Variants in SMAD5 observed in about 807,000 individuals in gnomAD.
The protein encoded by SMAD5 is SMAD family member 5, also known as MAD, mothers against decapentaplegic homolog 5.
SMAD5 carries 9 observed loss-of-function variants against 43.1 expected under a neutral mutation model. The ratio of observed to expected loss-of-function variants is 0.21; its 90% CI spans 0.13 to 0.36. The LOEUF (loss-of-function observed/expected upper bound fraction) is 0.36. Among genes scored for constraint, SMAD5 ranks in the 10% least tolerant of loss-of-function variants. The probability of loss-of-function intolerance (pLI) is 1.00; values close to 1 mark genes in which losing one functional copy is unlikely to be tolerated. For missense variants in SMAD5, 348 were observed against 574.0 expected, an observed-to-expected ratio of 0.61 and a Z score of 4.02; for synonymous variants, 190 against 192.4, an observed-to-expected ratio of 0.99 and a Z score of 0.10.
chr5:136,159,599 A>G (rs1464822485), intron 3 of SMAD5, among the ~76,000 whole-genome samples: 1 of 152,016 alleles, frequency 6.6e-6, no homozygotes, highest in East Asian at 1.9e-4. Context: ...TTATTTCACT[A>G]AGTCTCTCAG....
At chr5:136,140,505 C>T (rs978695804) in intron 1 of SMAD5, among the ~76,000 whole-genome samples, 1 of 152,080 alleles carries the variant, frequency 6.6e-6, no homozygotes, top group Non-Finnish European at 1.5e-5. Flanking sequence ...CTCTTCATGC[C>T]AGAAGCATGC....
chr5:136,164,181 G>A (rs1187382780), intron 5 of SMAD5, among the ~76,000 whole-genome samples: 3 of 152,186 alleles, frequency 2.0e-5, no homozygotes, highest in Non-Finnish European at 2.9e-5. Flanking sequence ...GAGCAACAGA[G>A]CGAGGCTCCA....
At chr5:136,169,127 A>G (rs1404503596) in intron 5 of SMAD5, among the ~76,000 whole-genome samples, 2 of 152,172 alleles carry the variant, frequency 1.3e-5, no homozygotes, top group African/African-American at 2.4e-5. Context: ...TCTGTGGCCA[A>G]AGGCTCAAGA....
At chr5:136,167,355 TCTTC>T (rs1393682923) in intron 5 of SMAD5, among the ~76,000 whole-genome samples, 1 of 152,196 alleles carries the variant, frequency 6.6e-6, no homozygotes, top group East Asian at 1.9e-4. Context: ...TATTTTCCTC[TCTTC>T]CTTCTCATCT....
At chr5:136,162,612 G>A (rs748675456) in intron 4 of SMAD5, among the ~76,000 whole-genome samples, 21 of 152,274 alleles carry the variant, frequency 1.4e-4, no homozygotes, top group Non-Finnish European at 2.5e-4. Context: ...AGACAAATTC[G>A]GTTCTTATTT....
At chr5:136,163,652 T>A (rs1301918347) in intron 5 of SMAD5, among the ~76,000 whole-genome samples, 1 of 152,188 alleles carries the variant, frequency 6.6e-6, no homozygotes, top group Non-Finnish European at 1.5e-5. Context: ...CCACATACCC[T>A]CTAATCTGTT....
intron 2 of SMAD5, among the ~76,000 whole-genome samples, chr5:136,152,290 C>CT (rs1318622191): frequency 6.6e-6 from 1 of 152,066 alleles, no homozygotes; most frequent in African/African-American, 2.4e-5. Context: ...CTTGGCATAA[C>CT]TTTTTTTAAA....
At chr5:136,152,492 GCTAGAAT>G (rs540084063) in intron 2 of SMAD5, among the ~76,000 whole-genome samples, 130 of 152,234 alleles carry the variant, frequency 8.5e-4, no homozygotes, top group Non-Finnish European at 1.6e-3. Flanking sequence ...TAATATTGAT[GCTAGAAT>G]TTTTCAAAGA....
intron 1 of SMAD5, among the ~76,000 whole-genome samples, chr5:136,145,755 G>A (rs1753238090): frequency 6.6e-6 from 1 of 151,860 alleles, no homozygotes; most frequent in South Asian, 2.1e-4. Context: ...TAGGGCCATA[G>A]TATTCACGAT....
In SMAD5 at chr5:136,177,317, A is replaced by G. The variant is rs768536390; in HGVS notation, c.1255-20A>G. 5 of 1,612,342 alleles carry G rather than the reference A, an allele frequency of 3.1e-6. No homozygotes were observed. The highest frequency in any genetic ancestry group is 2.7e-5 in the African/African-American group (2 of 75,014). On this transcript the variant is annotated intron_variant, in intron 7 of 7. Transcript: ENST00000545279. ...ACAGTTTAAAGAGGGATTTGTGATG[A>G]TATCTGTTCATTTTCATAGGGTTGG...
At chr5:136,163,433 G>T (rs767289744) in intron 5 of SMAD5, 42 bp downstream of exon 5, 7 of 1,482,326 alleles carry the variant, frequency 4.7e-6, no homozygotes, top group Non-Finnish European at 4.5e-6. Context: ...AGTAGTAGTT[G>T]TTTTTAACTT....
At chr5:136,158,003 G>A (rs1753698669) in intron 3 of SMAD5, among the ~76,000 whole-genome samples, 2 of 152,174 alleles carry the variant, frequency 1.3e-5, no homozygotes, top group Non-Finnish European at 2.9e-5. Flanking sequence ...CTAATAGGTT[G>A]TTATGAGCAT....
At chr5:136,169,535 A>G (rs1207084326) in intron 5 of SMAD5, among the ~76,000 whole-genome samples, 4 of 152,190 alleles carry the variant, frequency 2.6e-5, no homozygotes, top group Non-Finnish European at 5.9e-5. Context: ...CTGCTGAAGA[A>G]CCTTTTGGTT....
rs1195880870 is a variant in SMAD5 at position 136,179,598 on chromosome 5, C to T, written c.*2118C>T. 6.6e-6 allele frequency: 1 copy of T among 152,196 alleles called. No homozygotes were observed. The highest frequency in any genetic ancestry group is 1.5e-5 in the Non-Finnish European group (1 of 68,030). 9.4% of individuals were successfully genotyped at this position (152,196 alleles called of 1,614,324 possible). On this transcript the variant is annotated 3_prime_UTR_variant, in exon 8 of 8. Coordinates refer to ENST00000545279, the MANE Select transcript of SMAD5 (RefSeq NM_005903.7). ...TTCAGATGAACTGCCATTTGTGTTT[C>T]AGCTCACAGTTCTTTGCTGGGTAAA...
chr5:136,174,045 G>T (rs989879549), intron 6 of SMAD5, among the ~76,000 whole-genome samples: 12 of 150,892 alleles, frequency 8.0e-5, no homozygotes, highest in African/African-American at 2.9e-4. Context: ...TTATTTGAAA[G>T]GACTCATCAA....
intron 2 of SMAD5, 45 bp from the exon 3 acceptor site, chr5:136,153,547 A>G (rs933052916): frequency 1.3e-5 from 6 of 456,706 alleles, no homozygotes; most frequent in Admixed American, 3.8e-5. Context: ...ATTTGTATAT[A>G]TTGAATTGAT....
rs1473134345 is a variant in SMAD5 at position 136,178,211 on chromosome 5, CATAAGCATTACTTTATAGCT to C, written c.*733_*752del. Reference sequence around the variant, plus strand: ...TATATGTCATTTACTCAAAATCTGTCATAAGCATTACTTTATAGCTAGTGACAGTGCATGCACAGCCTTGT... The same window carrying C: ...TATATGTCATTTACTCAAAATCTGTCAGTGACAGTGCATGCACAGCCTTGT... On this transcript the variant is annotated 3_prime_UTR_variant, in exon 8 of 8. Coordinates refer to ENST00000545279, the MANE Select transcript of SMAD5 (RefSeq NM_005903.7). 1.4e-4 allele frequency: 22 copies of C among 152,644 alleles called. No homozygotes were observed. The highest frequency in any genetic ancestry group is 4.6e-4 in the African/African-American group (19 of 41,444). The allele number at this position is 152,644 out of a possible 1,614,324, so 9.5% of individuals were successfully genotyped here. A position where few individuals can be genotyped will look rare whatever the true frequency, so the allele number is the denominator to read the frequency against.
At position 136,154,125 on chromosome 5, in the gene SMAD5, G is replaced by T; in HGVS notation, c.365G>T (p.Cys122Phe). 1.3e-6 allele frequency: 2 copies of T among 1,587,336 alleles called. No individual in the cohort carries two copies. The part of the protein sequence containing the change: ...FPFGSKQKEV[C>F]INPYHYKRVE... ...TTTGGATCTAAGCAAAAAGAAGTTT[G>T]TATCAACCCATACCACTATAAGAGA... Residue 122 changes from cysteine (C) to phenylalanine (F), a missense_variant, in exon 3 of 8, where the codon TGT (cysteine) becomes TTT (phenylalanine). Cys to Phe is a radical substitution (Grantham distance 205). Around this residue, in one of 5 missense-constraint regions of SMAD5, gnomAD observed 27 missense variants for 53.9 expected, o/e 0.50. Coordinates refer to ENST00000545279, the MANE Select transcript of SMAD5 (RefSeq NM_005903.7).
intron 2 of SMAD5, among the ~76,000 whole-genome samples, chr5:136,152,463 G>C (rs1421356214): frequency 6.6e-6 from 1 of 152,128 alleles, no homozygotes; most frequent in Non-Finnish European, 1.5e-5. Flanking sequence ...TTTCTGGAAA[G>C]ATGCACCCCA....
Sources: allele counts gnomAD v4.1 joint callset (sites outside exome capture counted in the v4.1 genomes callset), GRCh38; gene constraint gnomAD v4.1.1; regional missense constraint gnomAD v4.1.1; transcripts MANE v1.5; gene names NCBI Gene and HGNC (gene_info 2026-07-23, HGNC 2026-07-21).